Variants in PREX2 observed in about 807,000 individuals in gnomAD.
PREX2 encodes the protein phosphatidylinositol 3,4,5-trisphosphate-dependent Rac exchanger 2 protein.
PREX2 carries 107 observed loss-of-function variants against 203.2 expected under a neutral mutation model. The observed-to-expected ratio is 0.53, with a 90% CI of 0.45 to 0.62. PREX2 has a LOEUF of 0.62. Ranked by LOEUF, PREX2 falls within the 20% of genes least tolerant of loss-of-function variation. The probability of loss-of-function intolerance (pLI) is 0.00; values close to 1 mark genes in which losing one functional copy is unlikely to be tolerated. For missense variants in PREX2, 1,777 were observed against 1,955.9 expected, an observed-to-expected ratio of 0.91 and a Z score of 1.72; for synonymous variants, 672 against 663.6, an observed-to-expected ratio of 1.01 and a Z score of -0.19.
rs111810920 is a variant in PREX2, at chr8:68,222,434, C to CAAA, written c.4708-2111_4708-2109dup. Among the ~76,000 whole-genome samples the CAAA allele has an allele frequency of 1.9e-3, 150 of 77,072 alleles. 1 individual carries two copies. Among genetic ancestry groups the CAAA allele is most frequent in the African/African-American group, 6.6e-3 (138 of 21,052 alleles). 50.6% of individuals were successfully genotyped at this position (77,072 alleles called of 152,430 possible). ...GTGGCCAAAACTGAAACAATTTTAG[C>CAAA]AAAAAAAAAAAAAAAATGTATATAA... On this transcript the variant is annotated intron_variant, in intron 38 of 39. Coordinates refer to ENST00000288368, the MANE Select transcript of PREX2 (RefSeq NM_024870.4).
chr8:67,990,467 T>C (rs569973648), intron 1 of PREX2, among the ~76,000 whole-genome samples: 1 of 151,770 alleles, frequency 6.6e-6, no homozygotes, highest in South Asian at 2.1e-4. Flanking sequence ...CTGGGAATCA[T>C]TTTGCCTTTT....
intron 18 of PREX2, among the ~76,000 whole-genome samples, chr8:68,084,479 C>T (rs1031493603): frequency 6.6e-6 from 1 of 152,146 alleles, no homozygotes; most frequent in African/African-American, 2.4e-5. Flanking sequence ...GGATGTACTT[C>T]TGCAGTGTTA....
chr8:67,976,381 AGAGG>A (rs1806084682), intron 1 of PREX2, among the ~76,000 whole-genome samples: 1 of 141,222 alleles, frequency 7.1e-6, no homozygotes, highest in Non-Finnish European at 1.6e-5. Flanking sequence ...ACTGAGAGAA[AGAGG>A]GAGAGAGACA....
At chr8:68,162,031 C>A (rs1262327284) in intron 35 of PREX2, among the ~76,000 whole-genome samples, 1 of 152,162 alleles carries the variant, frequency 6.6e-6, no homozygotes, top group African/African-American at 2.4e-5. Context: ...ACCATCAGAT[C>A]TCTTGAGATT....
chr8:68,002,118 A>C (rs1806955373), intron 1 of PREX2, among the ~76,000 whole-genome samples: 1 of 125,280 alleles, frequency 8.0e-6, no homozygotes, highest in African/African-American at 2.9e-5. Flanking sequence ...TGGAGAAGAT[A>C]TTAATTTTGC....
intron 37 of PREX2, among the ~76,000 whole-genome samples, chr8:68,206,343 C>T (rs1812626016): frequency 6.6e-6 from 1 of 152,174 alleles, no homozygotes; most frequent in South Asian, 2.1e-4. Flanking sequence ...GAAATCTGTG[C>T]TTTTGATAGC....
intron 25 of PREX2, among the ~76,000 whole-genome samples, chr8:68,112,343 A>T (rs1255258472): frequency 6.6e-6 from 1 of 152,188 alleles, no homozygotes; most frequent in Admixed American, 6.5e-5. Flanking sequence ...TAAATAGAGG[A>T]TTTGTGTATT....
intron 35 of PREX2, among the ~76,000 whole-genome samples, chr8:68,161,664 C>T (rs893765484): frequency 4.6e-5 from 7 of 151,930 alleles, no homozygotes; most frequent in Admixed American, 1.3e-4. Flanking sequence ...TTCCCTTCTC[C>T]CTTATTGTGA....
At chr8:68,182,833 A>T (rs915599070) in intron 35 of PREX2, among the ~76,000 whole-genome samples, 2 of 151,744 alleles carry the variant, frequency 1.3e-5, no homozygotes, top group African/African-American at 4.8e-5. Flanking sequence ...AACTCAGTAT[A>T]ATAGAGCTGG....
intron 32 of PREX2, 128 bp from the exon 33 acceptor site, chr8:68,138,287 A>G (rs537791856): frequency 5.2e-5 from 22 of 420,084 alleles, no homozygotes; most frequent in Non-Finnish European, 4.3e-6. Flanking sequence ...AGTCTTTATA[A>G]TTTTGTTTTG....
chr8:68,001,654 C>G (rs931176850), intron 1 of PREX2, among the ~76,000 whole-genome samples: 2 of 152,150 alleles, frequency 1.3e-5, no homozygotes, highest in Admixed American at 1.3e-4. Context: ...TGTATGTTCA[C>G]TGCATCACTA....
At chr8:68,048,162 A>T (rs2129610994) in intron 8 of PREX2, among the ~76,000 whole-genome samples, 1 of 152,198 alleles carries the variant, frequency 6.6e-6, no homozygotes, top group East Asian at 1.9e-4. Flanking sequence ...AGTGAATCTA[A>T]GTTATTCTTT....
At chr8:67,983,989 T>C (rs1806342224) in intron 1 of PREX2, among the ~76,000 whole-genome samples, 1 of 151,638 alleles carries the variant, frequency 6.6e-6, no homozygotes, top group Admixed American at 6.6e-5. Flanking sequence ...AATGCCGTGC[T>C]TGGTACTGCT....
At chr8:68,131,080 G>A (rs897209428) in intron 31 of PREX2, among the ~76,000 whole-genome samples, 2 of 152,172 alleles carry the variant, frequency 1.3e-5, no homozygotes. Context: ...GGCTCAAAGA[G>A]GACAGGTCTG....
rs11309279 is a variant in PREX2, at chr8:67,962,605, A to AT, written c.141+10081dup. ...AAATATATTTGTATTTATATATTTTATTTTTTTTTTTATTTTTTTGAGATA... is the reference window on the plus strand; with the variant it reads ...AAATATATTTGTATTTATATATTTTATTTTTTTTTTTTATTTTTTTGAGATA... On this transcript the variant is annotated intron_variant, in intron 1 of 39. Coordinates refer to ENST00000288368, the MANE Select transcript of PREX2 (RefSeq NM_024870.4). Among the ~76,000 whole-genome samples, 165 of 147,426 alleles carry AT rather than the reference A, an allele frequency of 1.1e-3. 1 individual carries two copies. Among genetic ancestry groups the AT allele is most frequent in the Admixed American group, 3.6e-3 (54 of 14,812 alleles).
At chr8:68,051,324 GAGTA>G (rs1239132622) in intron 8 of PREX2, among the ~76,000 whole-genome samples, 2 of 149,882 alleles carry the variant, frequency 1.3e-5, no homozygotes, top group Non-Finnish European at 2.9e-5. Flanking sequence ...TCTTTATCCA[GAGTA>G]ATGGTTAAAG....
chr8:68,156,444 G>A (rs886073269), intron 34 of PREX2, among the ~76,000 whole-genome samples: 21 of 152,196 alleles, frequency 1.4e-4, no homozygotes, highest in African/African-American at 4.6e-4. Context: ...TGTAATAGAC[G>A]TGTGTGTATA....
intron 1 of PREX2, among the ~76,000 whole-genome samples, chr8:67,997,805 T>C (rs906557752): frequency 6.6e-6 from 1 of 152,150 alleles, no homozygotes; most frequent in African/African-American, 2.4e-5. Flanking sequence ...TAAAAAACAT[T>C]TACTTCTCCC....
chr8:68,097,257 C>G, intron 22 of PREX2, 56 bp downstream of exon 22: 3 of 1,385,858 alleles, frequency 2.2e-6, no homozygotes, highest in African/African-American at 2.9e-5. Context: ...GAACTGAAAT[C>G]CTCCCTCTCC....
Sources: allele counts gnomAD v4.1 joint callset (sites outside exome capture counted in the v4.1 genomes callset), GRCh38; gene constraint gnomAD v4.1.1; transcripts MANE v1.5; gene names NCBI Gene and HGNC (gene_info 2026-07-23, HGNC 2026-07-21).